Variants in PDE3A observed in about 807,000 individuals in gnomAD.
PDE3A encodes cGMP-inhibited 3',5'-cyclic phosphodiesterase 3A.
A neutral mutation model predicts 98.3 loss-of-function variants in PDE3A; 43 were observed. The observed-to-expected ratio is 0.44, with a 90% CI of 0.34 to 0.56. The LOEUF (loss-of-function observed/expected upper bound fraction) is 0.56, where lower values mean the gene tolerates loss of function less well. Ranked by LOEUF, PDE3A falls within the 20% of genes least tolerant of loss-of-function variation. The pLI is 0.01. For synonymous variants in PDE3A, 663 were observed against 567.9 expected, an observed-to-expected ratio of 1.17 and a Z score of -2.38; for missense variants, 1,427 against 1,440.7, an observed-to-expected ratio of 0.99 and a Z score of 0.15.
chr12:20,649,474 G>T (rs753239326), intron 13 of PDE3A, among the ~76,000 whole-genome samples: 47 of 152,044 alleles, frequency 3.1e-4, no homozygotes, highest in Non-Finnish European at 4.9e-4. Flanking sequence ...GTTTTTGTTT[G>T]ATTTAATTTG....
chr12:20,581,232 T>C (rs1264551362), intron 2 of PDE3A, among the ~76,000 whole-genome samples: 1 of 152,206 alleles, frequency 6.6e-6, no homozygotes, highest in Non-Finnish European at 1.5e-5. Flanking sequence ...TAAATTAGAA[T>C]AGCGGGTAAA....
chr12:20,402,174 T>C (rs1944145200), intron 1 of PDE3A, among the ~76,000 whole-genome samples: 1 of 152,010 alleles, frequency 6.6e-6, no homozygotes, highest in Non-Finnish European at 1.5e-5. Flanking sequence ...TTTTAATTCT[T>C]TTTTTGAGAG....
At chr12:20,511,784 A>G (rs1461633792) in intron 1 of PDE3A, among the ~76,000 whole-genome samples, 2 of 152,060 alleles carry the variant, frequency 1.3e-5, no homozygotes, top group Non-Finnish European at 2.9e-5. Context: ...GGCAAAGAGA[A>G]AGAGAGACTG....
At chr12:20,649,101 T>A (rs1263228490) in intron 13 of PDE3A, among the ~76,000 whole-genome samples, 1 of 43,506 alleles carries the variant, frequency 2.3e-5, no homozygotes, top group African/African-American at 7.5e-5. Context: ...AATTTTTGTA[T>A]TTTTTTTTTT....
At chr12:20,513,646 C>T (rs1018211145) in intron 1 of PDE3A, among the ~76,000 whole-genome samples, 3 of 152,066 alleles carry the variant, frequency 2.0e-5, no homozygotes, top group Non-Finnish European at 2.9e-5. Flanking sequence ...TCAAGATTTT[C>T]AGATTTTTTT....
intron 1 of PDE3A, among the ~76,000 whole-genome samples, chr12:20,373,599 A>C (rs1299554607): frequency 6.6e-6 from 1 of 152,114 alleles, no homozygotes; most frequent in Non-Finnish European, 1.5e-5. Flanking sequence ...AAAGATTTCA[A>C]ACCAATGCAA....
chr12:20,671,651 C>T (rs1384730676), intron 15 of PDE3A, among the ~76,000 whole-genome samples: 1 of 149,814 alleles, frequency 6.7e-6, no homozygotes, highest in African/African-American at 2.5e-5. Flanking sequence ...ATTCAACAAC[C>T]CTTCATGCTA....
chr12:20,467,198 T>A (rs1421242831), intron 1 of PDE3A, among the ~76,000 whole-genome samples: 6 of 152,090 alleles, frequency 3.9e-5, no homozygotes, highest in Admixed American at 3.9e-4. Flanking sequence ...CTTTTAAAAT[T>A]TTCTGATTTG....
intron 2 of PDE3A, among the ~76,000 whole-genome samples, chr12:20,603,328 C>G (rs1464755511): frequency 2.0e-5 from 3 of 152,182 alleles, no homozygotes; most frequent in African/African-American, 7.2e-5. Flanking sequence ...AACAATGGAG[C>G]TATGATGCCT....
chr12:20,511,395 C>T (rs79929313), intron 1 of PDE3A, among the ~76,000 whole-genome samples: 5,001 of 146,714 alleles, frequency 0.034, 119 homozygotes, highest in South Asian at 0.068. Flanking sequence ...TTTTAGTGCC[C>T]ATAAATTAGG....
At chr12:20,662,657 G>T (rs531834756) in intron 15 of PDE3A, among the ~76,000 whole-genome samples, 1 of 152,182 alleles carries the variant, frequency 6.6e-6, no homozygotes, top group Non-Finnish European at 1.5e-5. Context: ...CACTCAAGAG[G>T]TGACTTTGGT....
chr12:20,537,438 C>T (rs1191356175), intron 1 of PDE3A, among the ~76,000 whole-genome samples: 1 of 151,974 alleles, frequency 6.6e-6, no homozygotes, highest in Non-Finnish European at 1.5e-5. Context: ...ATTCTAAAGG[C>T]TAGATTTTAA....
intron 1 of PDE3A, among the ~76,000 whole-genome samples, chr12:20,388,029 T>G (rs1943843716): frequency 6.6e-6 from 1 of 152,056 alleles, no homozygotes; most frequent in African/African-American, 2.4e-5. Flanking sequence ...ACACGTATTT[T>G]ACAATCAGCA....
At chr12:20,418,806 T>A (rs1300242291) in intron 1 of PDE3A, among the ~76,000 whole-genome samples, 1 of 152,164 alleles carries the variant, frequency 6.6e-6, no homozygotes, top group Non-Finnish European at 1.5e-5. Flanking sequence ...GGGATAGTAT[T>A]ATATATTGAT....
At chr12:20,646,457 A>T (rs1944779332) in intron 10 of PDE3A, 33 bp from the exon 11 acceptor site, 1 of 1,189,490 alleles carries the variant, frequency 8.4e-7, no homozygotes, top group African/African-American at 1.5e-5. Context: ...CAAAGTTCAT[A>T]AACTGATGAC....
intron 1 of PDE3A, among the ~76,000 whole-genome samples, chr12:20,386,637 G>A (rs957272464): frequency 6.6e-6 from 1 of 151,802 alleles, no homozygotes; most frequent in Admixed American, 6.6e-5. Context: ...ACTGCGCCTG[G>A]CCTTTTTCTT....
intron 4 of PDE3A, among the ~76,000 whole-genome samples, chr12:20,620,008 T>A (rs1944095913): frequency 6.6e-6 from 1 of 152,086 alleles, no homozygotes; most frequent in Non-Finnish European, 1.5e-5. Flanking sequence ...GAGAGGTCTA[T>A]TAGTACAATT....
At chr12:20,634,782 C>T in intron 7 of PDE3A, 120 bp from the exon 8 acceptor site, 1 of 708,608 alleles carries the variant, frequency 1.4e-6, no homozygotes, top group Non-Finnish European at 2.5e-6. Context: ...TTGGAGTGCT[C>T]AGGAAAGCAG....
chr12:20,633,209 G>T (rs1041302026), intron 6 of PDE3A, among the ~76,000 whole-genome samples: 1 of 151,994 alleles, frequency 6.6e-6, no homozygotes, highest in Non-Finnish European at 1.5e-5. Context: ...CCTTGGCCTC[G>T]AAAAGTGCTG....
Sources: allele counts gnomAD v4.1 joint callset (sites outside exome capture counted in the v4.1 genomes callset), GRCh38; gene constraint gnomAD v4.1.1; transcripts MANE v1.5; gene names NCBI Gene and HGNC (gene_info 2026-07-23, HGNC 2026-07-21).